Variants in EIF2AK3 observed in about 807,000 individuals in gnomAD.
EIF2AK3 encodes eukaryotic translation initiation factor 2-alpha kinase 3.
EIF2AK3 carries 50 observed loss-of-function variants against 113.5 expected under a neutral mutation model. The ratio of observed to expected loss-of-function variants is 0.44; its 90% CI spans 0.35 to 0.56. EIF2AK3 has a LOEUF of 0.56. Ranked by LOEUF, EIF2AK3 falls within the 20% of genes least tolerant of loss-of-function variation. The pLI, the probability that EIF2AK3 is intolerant of heterozygous loss-of-function variation, is 0.00. For missense variants in EIF2AK3, 1,185 were observed against 1,378.0 expected, an observed-to-expected ratio of 0.86 and a Z score of 2.22; for synonymous variants, 448 against 495.4, an observed-to-expected ratio of 0.90 and a Z score of 1.27.
At chr2:88,566,770 A>T (rs1453108036) in intron 14 of EIF2AK3, among the ~76,000 whole-genome samples, 1 of 152,132 alleles carries the variant, frequency 6.6e-6, no homozygotes, top group Non-Finnish European at 1.5e-5. Context: ...CAACATAGTG[A>T]CACCTCATCT....
chr2:88,569,034 G>A (rs774623296), intron 14 of EIF2AK3, among the ~76,000 whole-genome samples: 8 of 152,152 alleles, frequency 5.3e-5, no homozygotes, highest in Non-Finnish European at 8.8e-5. Flanking sequence ...GGGACTACAG[G>A]CATGCGTTAC....
chr2:88,592,262 CAG>C (rs997276561), intron 4 of EIF2AK3, among the ~76,000 whole-genome samples: 4 of 151,992 alleles, frequency 2.6e-5, no homozygotes, highest in Admixed American at 2.6e-4. Context: ...AAGAAGGAAA[CAG>C]AAAGGTATTA....
chr2:88,619,181 G>A (rs1381247072), intron 1 of EIF2AK3, among the ~76,000 whole-genome samples: 6 of 152,198 alleles, frequency 3.9e-5, no homozygotes, highest in East Asian at 1.9e-4. Flanking sequence ...AGTAGAGGTG[G>A]GGGTTCACCA....
At chr2:88,587,843 C>A in intron 8 of EIF2AK3, 139 bp downstream of exon 8, 3 of 585,674 alleles carry the variant, frequency 5.1e-6, no homozygotes, top group South Asian at 2.9e-5. Flanking sequence ...AACTTTGGAG[C>A]TTGTATGCTT....
intron 5 of EIF2AK3, 56 bp from the exon 6 acceptor site, chr2:88,590,661 C>T: frequency 6.3e-7 from 1 of 1,591,290 alleles, no homozygotes; most frequent in Non-Finnish European, 8.6e-7. Flanking sequence ...TATATAGTTC[C>T]AACCCATAAA....
rs371170576 is a variant in EIF2AK3 at position 88,579,779 on chromosome 2, T to C, written c.1764-139A>G. On this transcript the variant is annotated intron_variant, in intron 10 of 16. Coordinates refer to ENST00000303236, the MANE Select transcript of EIF2AK3 (RefSeq NM_004836.7). ...CTTAATAAATAGTATATTTTGAATTTGATTAACAGCATTTTTAGTCCTGTT... is the reference window on the plus strand; with the variant it reads ...CTTAATAAATAGTATATTTTGAATTCGATTAACAGCATTTTTAGTCCTGTT... 391 of 755,144 alleles carry C rather than the reference T, an allele frequency of 5.2e-4. 3 individuals are homozygous for C. The South Asian group carries it at 6.8e-3, about 13-fold the overall frequency. The allele number at this position is 755,144 out of a possible 1,614,324, so 46.8% of individuals were successfully genotyped here.
chr2:88,582,186 C>T (rs779257012), intron 10 of EIF2AK3, among the ~76,000 whole-genome samples: 18 of 152,278 alleles, frequency 1.2e-4, no homozygotes, highest in Non-Finnish European at 2.6e-4. Flanking sequence ...CTCATGCCTT[C>T]CAATCAACAA....
intron 2 of EIF2AK3, 112 bp downstream of exon 2, chr2:88,613,612 G>T: frequency 2.6e-6 from 3 of 1,169,610 alleles, no homozygotes; most frequent in Non-Finnish European, 3.8e-6. Context: ...GACACAAACT[G>T]TAAGAGGCAG....
Position 88,627,255 on chromosome 2 carries a change from G to T in EIF2AK3, c.20C>A (p.Pro7Gln). MERAIS[P>Q]GLLVRALLLL... is the part of the protein sequence containing the mutation. ...CAGCAGCGCCCGTACCAGCAGCCCC[G>T]GGCTGATGGCGCGCTCCATCAGCGT... is the stretch of plus-strand genomic sequence containing the variant. The change falls in exon 1 of 17, where the codon CCG becomes CAG. Residue 7 changes from proline to glutamine, a missense_variant. This residue lies in a region of EIF2AK3 where 189 missense variants were observed against 175.2 expected (regional missense o/e 1.08). Transcript: ENST00000303236. 6.7e-7 allele frequency: 1 copy of T among 1,485,330 alleles called. No individual in the cohort carries two copies. Among genetic ancestry groups the T allele is most frequent in the East Asian group, 2.9e-5 (1 of 34,776 alleles). The allele number at this position is 1,485,330 out of a possible 1,614,324, so 92.0% of individuals were successfully genotyped here.
rs55791823 is a variant in EIF2AK3, at chr2:88,583,496, T to A, written c.1697A>T (p.Asp566Val). The change falls in exon 10 of 17, where the codon GAT (aspartate) becomes GTT (valine). Residue 566 changes from aspartate (D) to valine (V), a missense_variant. Physicochemically the swap from Asp to Val is radical, Grantham distance 152 (BLOSUM62 -3). Around this residue, in one of 3 missense-constraint regions of EIF2AK3, gnomAD observed 877 missense variants for 1,024.2 expected, o/e 0.86. Transcript: ENST00000303236. ...ETQCQTENKYDSVSGEANDSS... is the reference protein window; with the variant it reads ...ETQCQTENKYVSVSGEANDSS... Reference sequence around the variant, plus strand: ...GTCATTGGCTTCACCACTTACAGAATCATATTTATTTTCAGTTTGACACTG... The same window carrying A: ...GTCATTGGCTTCACCACTTACAGAAACATATTTATTTTCAGTTTGACACTG... The A allele has an allele frequency of 4.2e-3, 6,700 of 1,613,262 alleles. 20 individuals are homozygous for A. Among genetic ancestry groups the A allele is most frequent in the Non-Finnish European group, 5.3e-3 (6,232 of 1,179,674 alleles).
rs1673785480 is a variant in EIF2AK3 at position 88,556,747 on chromosome 2, T to A, written c.*989A>T. 6.6e-6 allele frequency: 1 copy of A among 152,174 alleles called. No individual in the cohort carries two copies. The highest frequency in any genetic ancestry group is 1.9e-4 in the East Asian group (1 of 5,200). 9.4% of individuals were successfully genotyped at this position (152,174 alleles called of 1,614,324 possible). On this transcript the variant is annotated 3_prime_UTR_variant, in exon 17 of 17. Transcript: ENST00000303236. Reference sequence around the variant, plus strand: ...AAAATAAGAGTCAACATACTTAATTTAAAAAAAGTTTTATTAAATCATTTA... The same window carrying A: ...AAAATAAGAGTCAACATACTTAATTAAAAAAAAGTTTTATTAAATCATTTA...
intron 10 of EIF2AK3, among the ~76,000 whole-genome samples, chr2:88,581,347 T>C (rs997356421): frequency 2.6e-5 from 4 of 152,302 alleles, no homozygotes; most frequent in Middle Eastern, 3.4e-3. Context: ...TCTTTATTCA[T>C]GATACCGCAT....
intron 1 of EIF2AK3, among the ~76,000 whole-genome samples, chr2:88,618,990 A>C (rs1573425439): frequency 1.4e-5 from 2 of 147,082 alleles, no homozygotes; most frequent in African/African-American, 2.5e-5. Flanking sequence ...CTGGGTCCTC[A>C]TCTATCATTC....
chr2:88,605,315 C>T (rs762954234), intron 2 of EIF2AK3, among the ~76,000 whole-genome samples: 22 of 152,084 alleles, frequency 1.4e-4, no homozygotes, highest in Non-Finnish European at 2.5e-4. Flanking sequence ...TTCATGAATA[C>T]AAAATTTCAA....
intron 15 of EIF2AK3, among the ~76,000 whole-genome samples, chr2:88,561,198 C>T (rs1318887274): frequency 6.6e-6 from 1 of 151,596 alleles, no homozygotes; most frequent in Non-Finnish European, 1.5e-5. Flanking sequence ...AAGTGATCTT[C>T]CTGCTTGAGC....
At chr2:88,564,778 G>C (rs1439664342) in intron 14 of EIF2AK3, among the ~76,000 whole-genome samples, 4 of 151,828 alleles carry the variant, frequency 2.6e-5, no homozygotes, top group Admixed American at 2.6e-4. Flanking sequence ...TATTTCACAG[G>C]GAAAGAAAAA....
intron 1 of EIF2AK3, among the ~76,000 whole-genome samples, chr2:88,625,272 A>G (rs1403495661): frequency 1.4e-5 from 2 of 147,384 alleles, no homozygotes; most frequent in African/African-American, 2.5e-5. Context: ...GTGCATGTCT[A>G]TATCGCTTAC....
intron 13 of EIF2AK3, among the ~76,000 whole-genome samples, chr2:88,573,305 AC>A (rs1255331615): frequency 2.0e-5 from 3 of 152,224 alleles, no homozygotes; most frequent in African/African-American, 4.8e-5. Flanking sequence ...ATGGATATTT[AC>A]CAATATCTCA....
intron 3 of EIF2AK3, 54 bp from the exon 4 acceptor site, chr2:88,593,459 A>G: frequency 6.3e-7 from 1 of 1,594,138 alleles, no homozygotes; most frequent in South Asian, 1.1e-5. Context: ...CTCATAATAG[A>G]TCAGAGATAT....
Sources: gnomAD v4.1 joint callset for allele counts (sites outside exome capture counted in the v4.1 genomes callset) on GRCh38, gnomAD v4.1.1 for gene constraint, gnomAD v4.1.1 regional missense constraint, MANE v1.5 for transcripts, NCBI Gene and HGNC (gene_info 2026-07-23, HGNC 2026-07-21) for gene names.